Variants in PIP5K1A observed in about 807,000 individuals in gnomAD.
PIP5K1A encodes phosphatidylinositol-4-phosphate 5-kinase type 1 alpha, also known as phosphatidylinositol 4-phosphate 5-kinase type-1 alpha.
A neutral mutation model predicts 72.9 loss-of-function variants in PIP5K1A; 46 were observed. That is an observed-to-expected ratio of 0.63 (90% CI 0.50 to 0.81). The LOEUF (loss-of-function observed/expected upper bound fraction) is 0.81. Among genes scored for constraint, PIP5K1A ranks in the 30% least tolerant of loss-of-function variants. The pLI, the probability that PIP5K1A is intolerant of heterozygous loss-of-function variation, is 0.00. For synonymous variants in PIP5K1A, 228 were observed against 255.1 expected (o/e 0.89, Z 1.01); for missense variants, 458 against 706.1 (o/e 0.65, Z 3.98).
chr1:151,204,333 C>T (rs1181025282), intron 1 of PIP5K1A, among the ~76,000 whole-genome samples: 1 of 152,146 alleles, frequency 6.6e-6, no homozygotes, highest in Non-Finnish European at 1.5e-5. Context: ...CCCGCCAACA[C>T]GCCCGGCTAA....
intron 3 of PIP5K1A, among the ~76,000 whole-genome samples, chr1:151,226,096 T>C (rs1689085729): frequency 1.3e-5 from 2 of 149,554 alleles, no homozygotes; most frequent in Admixed American, 1.3e-4. Context: ...TTTTCTTTTT[T>C]TTTTTTTTTG....
In PIP5K1A at chr1:151,234,188, T is replaced by C. The variant is rs1690533591; in HGVS notation, c.640-9T>C. 3 of 1,577,584 alleles carry C rather than the reference T, an allele frequency of 1.9e-6. No individual in the cohort carries two copies. The highest frequency in any genetic ancestry group is 1.7e-6 in the Non-Finnish European group (2 of 1,161,326). On this transcript the variant is annotated splice_polypyrimidine_tract_variant and intron_variant, in intron 7 of 15. Transcript: ENST00000368888. ...GTTCTCCTACTTCTGTTTCCTTTTGTGTTCTCAGAACCTCAACCAGAACCC... is the reference window on the plus strand; with the variant it reads ...GTTCTCCTACTTCTGTTTCCTTTTGCGTTCTCAGAACCTCAACCAGAACCC...
chr1:151,204,682 A>G (rs908832111), intron 1 of PIP5K1A, among the ~76,000 whole-genome samples: 1 of 152,156 alleles, frequency 6.6e-6, no homozygotes, highest in African/African-American at 2.4e-5. Context: ...AAATAGGGAG[A>G]TATTTTTCTG....
intron 14 of PIP5K1A, among the ~76,000 whole-genome samples, chr1:151,243,465 A>G (rs1266198047): frequency 6.6e-6 from 1 of 152,198 alleles, no homozygotes; most frequent in Non-Finnish European, 1.5e-5. Flanking sequence ...ACCAATATAC[A>G]CATTTCTGTA....
At position 151,247,820 on chromosome 1, in the gene PIP5K1A, A is replaced by G. The variant is rs1360573014; in HGVS notation, c.1687-43A>G. 3 of 1,544,184 alleles carry G rather than the reference A, an allele frequency of 1.9e-6. No individual in the cohort carries two copies. The South Asian group carries it at 3.5e-5, about 18-fold the overall frequency. On this transcript the variant is annotated intron_variant, in intron 15 of 15. Coordinates refer to ENST00000368888, the MANE Select transcript of PIP5K1A (RefSeq NM_001135638.2). ...AACGCTTGAATTCCATTTCTGCTTA[A>G]TCTCATACTCCACATCCTTAACTTT... is the stretch of plus-strand genomic sequence containing the variant.
At chr1:151,225,369 T>G (rs1201327121) in intron 3 of PIP5K1A, among the ~76,000 whole-genome samples, 1 of 152,126 alleles carries the variant, frequency 6.6e-6, no homozygotes, top group East Asian at 1.9e-4. Flanking sequence ...ATAAACTTAA[T>G]GAGTATTGAT....
chr1:151,216,348 CAAA>C (rs587687791), intron 1 of PIP5K1A, among the ~76,000 whole-genome samples: 2 of 53,352 alleles, frequency 3.7e-5, no homozygotes, highest in African/African-American at 7.0e-5. Context: ...GACTCCGTCT[CAAA>C]AAAAAAAAAA....
intron 1 of PIP5K1A, among the ~76,000 whole-genome samples, chr1:151,217,721 A>G (rs587683468): frequency 2.0e-5 from 3 of 152,084 alleles, no homozygotes; most frequent in South Asian, 4.2e-4. Flanking sequence ...AGCTGGGACT[A>G]CAGACACCAC....
intron 14 of PIP5K1A, 129 bp downstream of exon 14, chr1:151,242,696 C>T (rs1390141464): frequency 2.4e-6 from 2 of 835,558 alleles, no homozygotes; most frequent in Non-Finnish European, 3.8e-6. Flanking sequence ...AAACATATAT[C>T]ATACTTTCTG....
rs1453659111 is a variant in PIP5K1A, at chr1:151,248,299, C to CT, written c.*437dup. ...CTGGCACATTATCCCTACCTTAGTTCTTTCTCTCTGACTCCTGGAAGAATA... is the reference window on the plus strand; with the variant it reads ...CTGGCACATTATCCCTACCTTAGTTCTTTTCTCTCTGACTCCTGGAAGAATA... On this transcript the variant is annotated 3_prime_UTR_variant, in exon 16 of 16. Transcript: ENST00000368888. 1.2e-5 allele frequency: 2 copies of CT among 171,496 alleles called. No individual in the cohort carries two copies. Among genetic ancestry groups the CT allele is most frequent in the Non-Finnish European group, 2.5e-5 (2 of 80,296 alleles). 10.6% of individuals were successfully genotyped at this position (171,496 alleles called of 1,614,324 possible).
chr1:151,241,787 C>G (rs1253774955), intron 12 of PIP5K1A, among the ~76,000 whole-genome samples: 1 of 140,190 alleles, frequency 7.1e-6, no homozygotes, highest in Non-Finnish European at 1.5e-5. Flanking sequence ...GCAACAAGAG[C>G]GAAACTCCAT....
chr1:151,234,171 A>C, intron 7 of PIP5K1A, 26 bp from the exon 8 acceptor site: 1 of 1,556,878 alleles, frequency 6.4e-7, no homozygotes, highest in Non-Finnish European at 8.7e-7. Flanking sequence ...TTGTTCTCCT[A>C]CTTCTGTTTC....
intron 14 of PIP5K1A, among the ~76,000 whole-genome samples, chr1:151,244,143 C>T (rs1692148469): frequency 7.2e-6 from 1 of 137,972 alleles, no homozygotes; most frequent in South Asian, 2.3e-4. Context: ...GACCCCATCC[C>T]TTTGAAAAAA....
chr1:151,204,114 G>A (rs777390803), intron 1 of PIP5K1A, among the ~76,000 whole-genome samples: 3 of 152,094 alleles, frequency 2.0e-5, no homozygotes, highest in Non-Finnish European at 4.4e-5. Context: ...GTTCTTCCCA[G>A]CAGAGCCCTA....
rs587670047 is a variant in PIP5K1A at position 151,241,757 on chromosome 1, G to A, written c.1364-366G>A. On this transcript the variant is annotated intron_variant, in intron 12 of 15. Coordinates refer to ENST00000368888, the MANE Select transcript of PIP5K1A (RefSeq NM_001135638.2). ...GGAGGTTGCAGTGAGCCAAGATCGC[G>A]CCATTGCACTTCAGCCTGGGCAACA... Among the ~76,000 whole-genome samples, 541 of 146,948 alleles carry A rather than the reference G, an allele frequency of 3.7e-3. 3 individuals are homozygous for A. Among genetic ancestry groups the A allele is most frequent in the African/African-American group, 0.013 (519 of 39,584 alleles).
At chr1:151,232,770 T>G in intron 7 of PIP5K1A, 67 bp downstream of exon 7, 2 of 1,403,316 alleles carry the variant, frequency 1.4e-6, no homozygotes, top group Non-Finnish European at 2.0e-6. Flanking sequence ...GAGGCTGTCT[T>G]CAGCAGGGTA....
chr1:151,247,841 AC>A (rs1692735983), intron 15 of PIP5K1A, 21 bp from the exon 16 acceptor site: 2 of 1,600,968 alleles, frequency 1.2e-6, no homozygotes, highest in Middle Eastern at 1.7e-4. Flanking sequence ...CACATCCTTA[AC>A]TTTACACTCT....
chr1:151,246,508 A>G (rs1003506801), intron 14 of PIP5K1A, among the ~76,000 whole-genome samples: 5 of 152,134 alleles, frequency 3.3e-5, no homozygotes, highest in African/African-American at 1.2e-4. Context: ...AAGAAGATAC[A>G]GTATTTTTGT....
chr1:151,220,521 G>A (rs587648232), intron 1 of PIP5K1A, among the ~76,000 whole-genome samples: 1 of 151,806 alleles, frequency 6.6e-6, no homozygotes, highest in Non-Finnish European at 1.5e-5. Flanking sequence ...AGGCAGGAGT[G>A]CGATGGTGCG....
Sources: allele counts gnomAD v4.1 joint callset (sites outside exome capture counted in the v4.1 genomes callset), GRCh38; gene constraint gnomAD v4.1.1; transcripts MANE v1.5; gene names NCBI Gene and HGNC (gene_info 2026-07-23, HGNC 2026-07-21).